The following ETNK1 variants were observed in gnomAD, a reference collection of about 807,000 sequenced individuals.
The protein encoded by ETNK1 is putative protein product of Nbla10396.
Under a neutral mutation model 45.1 loss-of-function variants are expected in ETNK1, and 8 were observed. The observed-to-expected ratio is 0.18, with a 90% CI of 0.10 to 0.32. ETNK1 has a LOEUF of 0.32. Ranked by LOEUF, ETNK1 falls within the 10% of genes least tolerant of loss-of-function variation. The probability of loss-of-function intolerance (pLI) is 1.00; values close to 1 mark genes in which losing one functional copy is unlikely to be tolerated. For missense variants in ETNK1, 302 were observed against 430.6 expected, an observed-to-expected ratio of 0.70 and a Z score of 2.64; for synonymous variants, 152 against 151.9, an observed-to-expected ratio of 1.00 and a Z score of -0.01.
At chr12:22,673,714 T>C (rs1404344632) in intron 6 of ETNK1, 54 bp downstream of exon 6, 1 of 1,480,996 alleles carries the variant, frequency 6.8e-7, no homozygotes, top group African/African-American at 1.4e-5. Flanking sequence ...TTGAAAATGC[T>C]TCTAAATTTT....
rs1954288220 is a variant in ETNK1, at chr12:22,689,736, G to T, written c.*4782G>T. 6.6e-6 allele frequency: 1 copy of T among 151,998 alleles called. No homozygotes were observed. The highest frequency in any genetic ancestry group is 2.4e-5 in the African/African-American group (1 of 41,442). The allele number at this position is 151,998 out of a possible 1,614,324, so 9.4% of individuals were successfully genotyped here. A position where few individuals can be genotyped will look rare whatever the true frequency, so the allele number is the denominator to read the frequency against. ...GACTGGAAAAGACCCCAAAAAGGCA[G>T]TAGAGGAGATTAGTGTTTACTTGCT... On this transcript the variant is annotated 3_prime_UTR_variant, in exon 8 of 8. Coordinates refer to ENST00000266517, the MANE Select transcript of ETNK1 (RefSeq NM_018638.5).
intron 2 of ETNK1, among the ~76,000 whole-genome samples, chr12:22,650,735 TTTAAA>T (rs1565441328): frequency 6.6e-6 from 1 of 151,956 alleles, no homozygotes; most frequent in African/African-American, 2.4e-5. Context: ...AAAATAATCT[TTTAAA>T]TAAATAGGAA....
Position 22,686,947 on chromosome 12 carries a change from T to C in ETNK1, c.*1993T>C, listed in dbSNP as rs1233248723. ...CTGTGGGAGGAGAGAAGATAATTTTTCTACCTTACTCCATATTCTTACTTC... is the reference window on the plus strand; with the variant it reads ...CTGTGGGAGGAGAGAAGATAATTTTCCTACCTTACTCCATATTCTTACTTC... On this transcript the variant is annotated 3_prime_UTR_variant, in exon 8 of 8. Transcript: ENST00000266517. 1 of 150,580 alleles carries C rather than the reference T, an allele frequency of 6.6e-6. No homozygotes were observed. The highest frequency in any genetic ancestry group is 1.5e-5 in the Non-Finnish European group (1 of 67,336). The allele number at this position is 150,580 out of a possible 1,614,324, so 9.3% of individuals were successfully genotyped here. A position where few individuals can be genotyped will look rare whatever the true frequency, so the allele number is the denominator to read the frequency against.
At chr12:22,660,800 A>G (rs1005621970) in intron 3 of ETNK1, among the ~76,000 whole-genome samples, 16 of 152,098 alleles carry the variant, frequency 1.1e-4, no homozygotes, top group Non-Finnish European at 2.2e-4. Flanking sequence ...ACCTATATAT[A>G]TTACTTAGAA....
At chr12:22,679,795 G>A (rs1305446902) in intron 6 of ETNK1, among the ~76,000 whole-genome samples, 1 of 151,302 alleles carries the variant, frequency 6.6e-6, no homozygotes, top group African/African-American at 2.4e-5. Flanking sequence ...CTGCCTCCTG[G>A]ATTCAAGCAG....
intron 2 of ETNK1, among the ~76,000 whole-genome samples, chr12:22,655,352 T>C (rs1299311873): frequency 6.0e-3 from 516 of 86,498 alleles, no homozygotes; most frequent in Non-Finnish European, 8.8e-3. Context: ...TTTTTTTTTT[T>C]CGAGACGGAG....
chr12:22,661,532 C>T (rs933554050), intron 4 of ETNK1, among the ~76,000 whole-genome samples: 3 of 151,968 alleles, frequency 2.0e-5, no homozygotes, highest in African/African-American at 7.3e-5. Flanking sequence ...TGAACATGTA[C>T]CTGCTTGTAA....
intron 5 of ETNK1, 59 bp downstream of exon 5, chr12:22,671,414 C>T: frequency 8.8e-7 from 1 of 1,136,600 alleles, no homozygotes. Context: ...ATATTTCATT[C>T]TTTTTTTAAA....
intron 1 of ETNK1, among the ~76,000 whole-genome samples, chr12:22,630,412 C>T (rs150970801): frequency 5.9e-5 from 9 of 152,076 alleles, no homozygotes; most frequent in Admixed American, 1.3e-4. Flanking sequence ...CATAGAAGAA[C>T]GTAGGACAGA....
rs1954279573 is a variant in ETNK1 at position 22,688,570 on chromosome 12, GT to G, written c.*3621del. ...TCATTTCAATTTTCTGCTTTAAATT[GT>G]TTTTAATAAGCATTCCAAAGTGATA... On this transcript the variant is annotated 3_prime_UTR_variant, in exon 8 of 8. Transcript: ENST00000266517. The G allele has an allele frequency of 6.6e-6, 1 of 152,196 alleles. No individual in the cohort carries two copies. The highest frequency in any genetic ancestry group is 2.4e-5 in the African/African-American group (1 of 41,384). The allele number at this position is 152,196 out of a possible 1,614,324, so 9.4% of individuals were successfully genotyped here.
At chr12:22,679,324 G>A (rs1043074722) in intron 6 of ETNK1, among the ~76,000 whole-genome samples, 2 of 152,216 alleles carry the variant, frequency 1.3e-5, no homozygotes, top group African/African-American at 4.8e-5. Flanking sequence ...CCAAGGGCAG[G>A]AGGAAGCATC....
At chr12:22,665,225 T>A (rs1303998756) in intron 4 of ETNK1, among the ~76,000 whole-genome samples, 1 of 152,140 alleles carries the variant, frequency 6.6e-6, no homozygotes, top group Non-Finnish European at 1.5e-5. Context: ...AGACTGTTCT[T>A]GACAGTTTAC....
intron 4 of ETNK1, among the ~76,000 whole-genome samples, chr12:22,662,154 G>A (rs1159535916): frequency 7.4e-6 from 1 of 135,394 alleles, no homozygotes; most frequent in East Asian, 2.4e-4. Flanking sequence ...TGTAACTTCC[G>A]CCTCCCAAGT....
At chr12:22,626,920 A>G (rs531525150) in intron 1 of ETNK1, among the ~76,000 whole-genome samples, 1 of 152,254 alleles carries the variant, frequency 6.6e-6, no homozygotes, top group East Asian at 1.9e-4. Flanking sequence ...ATTTGTTTGT[A>G]TTTTATTATA....
chr12:22,630,511 A>G (rs1410702492), intron 1 of ETNK1, among the ~76,000 whole-genome samples: 1 of 152,178 alleles, frequency 6.6e-6, no homozygotes, highest in Non-Finnish European at 1.5e-5. Context: ...AGCAAGGAAA[A>G]CTATCTCACA....
In ETNK1 at chr12:22,673,786, AC is replaced by A. The variant is rs561463572; in HGVS notation, c.945+127del. The A allele has an allele frequency of 5.6e-4, 548 of 972,012 alleles. 2 individuals carry two copies. Among genetic ancestry groups the A allele is most frequent in the Non-Finnish European group, 6.3e-4 (420 of 664,730 alleles). The allele number at this position is 972,012 out of a possible 1,614,324, so 60.2% of individuals were successfully genotyped here. ...AATTTTTGTTCAAAATAATGTAAAT[AC>A]ATGACCATTTACAGTATGCATTACC... On this transcript the variant is annotated intron_variant, in intron 6 of 7. Transcript: ENST00000266517.
At chr12:22,679,567 A>C (rs988970148) in intron 6 of ETNK1, among the ~76,000 whole-genome samples, 10 of 152,122 alleles carry the variant, frequency 6.6e-5, no homozygotes, top group African/African-American at 2.4e-4. Context: ...CCCTCGATCC[A>C]ATCAAGTTGA....
chr12:22,669,187 G>A (rs1954081876), intron 4 of ETNK1, among the ~76,000 whole-genome samples: 1 of 151,218 alleles, frequency 6.6e-6, no homozygotes, highest in South Asian at 2.1e-4. Context: ...GTTTCTGAAG[G>A]CTGGTGGATA....
In ETNK1 at chr12:22,671,358, A is replaced by G; in HGVS notation, c.784+3A>G. The stretch of plus-strand genomic sequence containing the variant: ...AAATCATTTCAATGAATTTGCAGGT[A>G]TAACTAATGGAGTAACTTATTTAGC... On this transcript the variant is annotated splice_donor_region_variant and intron_variant, in intron 5 of 7. Transcript: ENST00000266517. 1 of 1,541,454 alleles carries G rather than the reference A, an allele frequency of 6.5e-7. No individual in the cohort carries two copies. Among genetic ancestry groups the G allele is most frequent in the Non-Finnish European group, 9.0e-7 (1 of 1,114,584 alleles).
Sources: allele counts gnomAD v4.1 joint callset (sites outside exome capture counted in the v4.1 genomes callset), GRCh38; gene constraint gnomAD v4.1.1; transcripts MANE v1.5; gene names NCBI Gene and HGNC (gene_info 2026-07-23, HGNC 2026-07-21).